The following CNTN3 variants were observed in gnomAD, a reference collection of about 807,000 sequenced individuals.
CNTN3 encodes contactin 3.
In CNTN3, 60 loss-of-function variants were observed where a neutral mutation model predicts 119.1. That is an observed-to-expected ratio of 0.50 (90% CI 0.41 to 0.62). The LOEUF (loss-of-function observed/expected upper bound fraction) is 0.62. Ranked by LOEUF, CNTN3 falls within the 20% of genes least tolerant of loss-of-function variation. The pLI, the probability that CNTN3 is intolerant of heterozygous loss-of-function variation, is 0.00. For synonymous variants in CNTN3, 450 were observed against 438.7 expected (o/e 1.03, Z -0.32); for missense variants, 1,101 against 1,242.4 (o/e 0.89, Z 1.71).
intron 22 of CNTN3, among the ~76,000 whole-genome samples, chr3:74,265,765 C>A (rs1358743186): frequency 6.6e-6 from 1 of 152,056 alleles, no homozygotes; most frequent in African/African-American, 2.4e-5. Context: ...AAACAGGGAA[C>A]AAAGTCATGT....
At chr3:74,274,109 T>C (rs1421034271) in intron 20 of CNTN3, among the ~76,000 whole-genome samples, 1 of 152,018 alleles carries the variant, frequency 6.6e-6, no homozygotes, top group Non-Finnish European at 1.5e-5. Context: ...CATAACTCTA[T>C]TGACCTGGGA....
intron 11 of CNTN3, among the ~76,000 whole-genome samples, chr3:74,345,264 CAG>C (rs963406118): frequency 6.6e-6 from 1 of 152,148 alleles, no homozygotes; most frequent in Non-Finnish European, 1.5e-5. Context: ...CTCCTCCAAG[CAG>C]AGAGTTTATC....
chr3:74,601,821 G>T (rs1704915457), intron 1 of CNTN3, among the ~76,000 whole-genome samples: 1 of 152,096 alleles, frequency 6.6e-6, no homozygotes, highest in Non-Finnish European at 1.5e-5. Context: ...GATCTTAAGA[G>T]ACCTTGTGTG....
At chr3:74,404,073 T>C (rs1050938453) in intron 5 of CNTN3, among the ~76,000 whole-genome samples, 6 of 152,100 alleles carry the variant, frequency 3.9e-5, no homozygotes, top group Admixed American at 3.9e-4. Context: ...CTCCTACACA[T>C]CATAAACCAT....
chr3:74,403,068 C>G (rs1334058952), intron 5 of CNTN3, among the ~76,000 whole-genome samples: 1 of 152,082 alleles, frequency 6.6e-6, no homozygotes, highest in Non-Finnish European at 1.5e-5. Flanking sequence ...GGAATTTAGA[C>G]CTGACTTTAC....
At chr3:74,431,980 A>G (rs567304712) in intron 4 of CNTN3, among the ~76,000 whole-genome samples, 2 of 152,238 alleles carry the variant, frequency 1.3e-5, no homozygotes, top group East Asian at 3.9e-4. Context: ...AATGAAAAAT[A>G]CTATCCAGTA....
rs114713816 is a variant in CNTN3 at position 74,278,528 on chromosome 3, A to C, written c.2704+6777T>G. On this transcript the variant is annotated intron_variant, in intron 20 of 22. Transcript: ENST00000263665. The stretch of plus-strand genomic sequence containing the variant: ...GGGGAAAGGACCCCCTTTTCAACAA[A>C]TGGTGCTGATATAATTGGCTAGCCA... Among the ~76,000 whole-genome samples, 1,048 of 152,300 alleles carry C rather than the reference A, an allele frequency of 6.9e-3. 17 individuals carry two copies. Among genetic ancestry groups the C allele is most frequent in the African/African-American group, 0.023 (976 of 41,574 alleles).
intron 2 of CNTN3, among the ~76,000 whole-genome samples, chr3:74,508,017 T>A (rs987500003): frequency 4.6e-5 from 7 of 152,096 alleles, no homozygotes; most frequent in Non-Finnish European, 8.8e-5. Context: ...GGGTAAGATA[T>A]GAAGGTCTAA....
chr3:74,266,800 A>T, intron 21 of CNTN3, 151 bp from the exon 22 acceptor site: 1 of 689,674 alleles, frequency 1.4e-6, no homozygotes, highest in South Asian at 1.9e-5. Flanking sequence ...GTCTTAGATT[A>T]GAGGTTAGCA....
intron 14 of CNTN3, 145 bp from the exon 15 acceptor site, chr3:74,301,950 C>A (rs1460980016): frequency 3.9e-6 from 3 of 772,948 alleles, no homozygotes; most frequent in African/African-American, 1.8e-5. Flanking sequence ...GGCCATTTAC[C>A]TGGTAATAGA....
intron 4 of CNTN3, among the ~76,000 whole-genome samples, chr3:74,464,548 T>C (rs1702427670): frequency 6.6e-6 from 1 of 152,120 alleles, no homozygotes; most frequent in East Asian, 1.9e-4. Context: ...CCAGAGTGCT[T>C]ACATCCTGGT....
intron 4 of CNTN3, among the ~76,000 whole-genome samples, chr3:74,444,081 C>T (rs1194881943): frequency 5.3e-5 from 8 of 152,188 alleles, no homozygotes; most frequent in Middle Eastern, 3.4e-3. Flanking sequence ...CTATAATCTC[C>T]GCCTCCATTG....
intron 4 of CNTN3, among the ~76,000 whole-genome samples, chr3:74,455,902 G>C (rs1189678593): frequency 6.6e-6 from 1 of 152,080 alleles, no homozygotes; most frequent in African/African-American, 2.4e-5. Context: ...GATGGGGCCT[G>C]AAAATCTGCA....
At chr3:74,377,079 GTGAT>G (rs1405911321) in intron 5 of CNTN3, among the ~76,000 whole-genome samples, 1 of 151,960 alleles carries the variant, frequency 6.6e-6, no homozygotes, top group Non-Finnish European at 1.5e-5. Context: ...CAAACAAATA[GTGAT>G]TGATTACTTT....
intron 1 of CNTN3, among the ~76,000 whole-genome samples, chr3:74,528,248 C>T (rs1374076925): frequency 6.6e-6 from 1 of 151,718 alleles, no homozygotes; most frequent in Non-Finnish European, 1.5e-5. Context: ...TGTACCTTTC[C>T]TAAGTCTACA....
chr3:74,555,897 T>C lies in CNTN3; in HGVS notation c.-80-34705A>G, dbSNP rs759814104. The stretch of plus-strand genomic sequence containing the variant: ...TTCATTTTTTGAAGGTCAACCTCTT[T>C]CCTTTATAATTTACCCAGTCTCAGG... On this transcript the variant is annotated intron_variant, in intron 1 of 22. Coordinates refer to ENST00000263665, the MANE Select transcript of CNTN3 (RefSeq NM_020872.3). Among the ~76,000 whole-genome samples, 9 of 152,138 alleles carry C rather than the reference T, an allele frequency of 5.9e-5. 1 individual carries two copies. The highest frequency in any genetic ancestry group is 2.6e-4 in the Admixed American group (4 of 15,254).
At chr3:74,601,512 T>G (rs923836959) in intron 1 of CNTN3, among the ~76,000 whole-genome samples, 1 of 152,132 alleles carries the variant, frequency 6.6e-6, no homozygotes. Flanking sequence ...GAGGTATAAT[T>G]TATTCATAAG....
intron 4 of CNTN3, among the ~76,000 whole-genome samples, chr3:74,482,317 G>C: frequency 6.6e-6 from 1 of 151,960 alleles, no homozygotes; most frequent in East Asian, 1.9e-4. Context: ...CCTAATACTA[G>C]TAAATGTTCA....
At position 74,611,633 on chromosome 3, in the gene CNTN3, T is replaced by C. The variant is rs539997430; in HGVS notation, c.-81+2758A>G. On this transcript the variant is annotated intron_variant, in intron 1 of 22. Transcript: ENST00000263665. ...AACTGTTCCGTGGCCCCATATTCTC[T>C]TGCCAACTATCTTTGCAACAATGAT... is the stretch of plus-strand genomic sequence containing the variant. 1.1e-3 allele frequency among the ~76,000 whole-genome samples: 172 copies of C among 152,366 alleles called. 1 individual carries two copies. The highest frequency in any genetic ancestry group is 4.0e-3 in the African/African-American group (166 of 41,594).
Sources: gnomAD v4.1 joint callset for allele counts (sites outside exome capture counted in the v4.1 genomes callset) on GRCh38, gnomAD v4.1.1 for gene constraint, MANE v1.5 for transcripts, NCBI Gene and HGNC (gene_info 2026-07-23, HGNC 2026-07-21) for gene names.